The following PI15 variants were observed in gnomAD, a reference collection of about 807,000 sequenced individuals.
The protein encoded by PI15 is 25 kDa trypsin inhibitor.
Under a neutral mutation model 31.0 loss-of-function variants are expected in PI15, and 18 were observed. The ratio of observed to expected loss-of-function variants is 0.58; its 90% CI spans 0.40 to 0.86. PI15 has a LOEUF of 0.86. PI15 is among the 40% of genes least tolerant of loss of function. PI15 has a pLI of 0.00. For synonymous variants in PI15, 118 were observed against 119.1 expected (o/e 0.99, Z 0.06); for missense variants, 282 against 328.1 (o/e 0.86, Z 1.09).
chr8:74,829,786 A>G (rs532132664), intron 2 of PI15, among the ~76,000 whole-genome samples: 1 of 152,252 alleles, frequency 6.6e-6, no homozygotes, highest in South Asian at 2.1e-4. Context: ...GATAATCTCT[A>G]GTTGGCAGAT....
chr8:74,848,732 T>TATATATATATATAGAGAG (rs1191072583), intron 5 of PI15, among the ~76,000 whole-genome samples: 10 of 136,346 alleles, frequency 7.3e-5, no homozygotes, highest in African/African-American at 2.8e-4. Context: ...TATATATATA[T>TATATATATATATAGAGAG]AGAGAGAGAG....
intron 2 of PI15, among the ~76,000 whole-genome samples, 179 bp downstream of exon 2, chr8:74,825,701 A>T (rs1033363815): frequency 6.6e-6 from 1 of 152,056 alleles, no homozygotes; most frequent in African/African-American, 2.4e-5. Context: ...TCACAGAATC[A>T]GAGAGACAGA....
chr8:74,832,774 C>A (rs1810804973), intron 2 of PI15, among the ~76,000 whole-genome samples: 1 of 152,050 alleles, frequency 6.6e-6, no homozygotes, highest in Non-Finnish European at 1.5e-5. Context: ...TATCTGAAAT[C>A]AGGTACCAAG....
chr8:74,848,732 T>TAAATATATATATATATATATATAG (rs1191072583), intron 5 of PI15, among the ~76,000 whole-genome samples: 2 of 136,354 alleles, frequency 1.5e-5, no homozygotes, highest in African/African-American at 5.5e-5. Flanking sequence ...TATATATATA[T>TAAATATATATATATATATATATAG]AGAGAGAGAG....
At chr8:74,847,637 C>T (rs1472884310) in intron 5 of PI15, among the ~76,000 whole-genome samples, 2 of 152,068 alleles carry the variant, frequency 1.3e-5, no homozygotes, top group Non-Finnish European at 2.9e-5. Context: ...GGTGGGCAGT[C>T]TTAAAATCCC....
At chr8:74,842,000 T>C (rs1425025600) in intron 2 of PI15, among the ~76,000 whole-genome samples, 2 of 149,638 alleles carry the variant, frequency 1.3e-5, no homozygotes, top group African/African-American at 4.8e-5. Flanking sequence ...AGAGGGTCTC[T>C]TGAAGAGTTT....
chr8:74,836,106 G>A (rs1384665708), intron 2 of PI15, among the ~76,000 whole-genome samples: 1 of 152,102 alleles, frequency 6.6e-6, no homozygotes, highest in African/African-American at 2.4e-5. Flanking sequence ...CTAGATTTTT[G>A]GCCTGAGCAA....
chr8:74,853,125 AG>A lies in PI15; in HGVS notation c.*3874del, dbSNP rs1811130838. 5 of 152,592 alleles carry A rather than the reference AG, an allele frequency of 3.3e-5. No individual in the cohort carries two copies. Among genetic ancestry groups the A allele is most frequent in the Non-Finnish European group, 5.9e-5 (4 of 67,992 alleles). The allele number at this position is 152,592 out of a possible 1,614,324, so 9.5% of individuals were successfully genotyped here. A position where few individuals can be genotyped will look rare whatever the true frequency, so the allele number is the denominator to read the frequency against. On this transcript the variant is annotated 3_prime_UTR_variant, in exon 6 of 6. Coordinates refer to ENST00000260113, the MANE Select transcript of PI15 (RefSeq NM_015886.5). The stretch of plus-strand genomic sequence containing the variant: ...ATGGGAGATCAGTCAAAAACTTAGA[AG>A]GTTTAACACTTCACTGATTAATGGT...
chr8:74,835,474 A>G (rs1270613271), intron 2 of PI15, among the ~76,000 whole-genome samples: 2 of 152,194 alleles, frequency 1.3e-5, no homozygotes, highest in African/African-American at 2.4e-5. Flanking sequence ...CAGGATTCCA[A>G]ACCAAGTTGA....
At chr8:74,833,674 TATCTC>T (rs1203012279) in intron 2 of PI15, among the ~76,000 whole-genome samples, 2 of 152,176 alleles carry the variant, frequency 1.3e-5, no homozygotes, top group Non-Finnish European at 2.9e-5. Flanking sequence ...CTTCAGTCAC[TATCTC>T]ATCTAACTCT....
intron 5 of PI15, among the ~76,000 whole-genome samples, chr8:74,847,552 C>G (rs551546988): frequency 1.3e-4 from 20 of 152,110 alleles, no homozygotes; most frequent in Admixed American, 1.2e-3. Context: ...TTGAACCTTT[C>G]TGAGCAAGCC....
chr8:74,846,078 A>G (rs1811021199), intron 5 of PI15: 1 of 152,846 alleles, frequency 6.5e-6, no homozygotes, highest in South Asian at 2.1e-4. Context: ...TGATTACAAT[A>G]ACTCTTTGGA....
rs1811072489 is a variant in PI15, at chr8:74,849,323, A to T, written c.*70A>T. The T allele has an allele frequency of 8.4e-7, 1 of 1,196,532 alleles. No homozygotes were observed. Among genetic ancestry groups the T allele is most frequent in the Admixed American group, 2.4e-5 (1 of 41,074 alleles). 74.1% of individuals were successfully genotyped at this position (1,196,532 alleles called of 1,614,324 possible). A position where few individuals can be genotyped will look rare whatever the true frequency, so the allele number is the denominator to read the frequency against. ...GGCATGTATATATATATATGGAGAG[A>T]GAATTTTGCACATATTATACATATT... On this transcript the variant is annotated 3_prime_UTR_variant, in exon 6 of 6. Transcript: ENST00000260113.
intron 2 of PI15, among the ~76,000 whole-genome samples, chr8:74,840,616 C>T (rs1810931255): frequency 6.6e-6 from 1 of 152,148 alleles, no homozygotes; most frequent in East Asian, 1.9e-4. Context: ...CAGACTTTCC[C>T]CTTCTTGAGT....
Position 74,845,449 on chromosome 8 carries a change from G to T in PI15, c.593G>T (p.Gly198Val). 8 of 1,614,050 alleles carry T rather than the reference G, an allele frequency of 5.0e-6. No individual in the cohort carries two copies. Among genetic ancestry groups the T allele is most frequent in the African/African-American group, 1.3e-5 (1 of 75,040 alleles). Reference protein sequence around the residue: ...IHTCQNMNVWGSVWRRAVYLV... With the variant: ...IHTCQNMNVWVSVWRRAVYLV... ...ACTTGCCAAAACATGAATGTTTGGG[G>T]ATCTGTGTGGCGACGTGCAGTTTAC... Residue 198 changes from glycine to valine, a missense_variant, in exon 5 of 6, where the codon GGA (glycine) becomes GTA (valine). Physicochemically the swap from Gly to Val is moderately radical, Grantham distance 109 (BLOSUM62 -3). Coordinates refer to ENST00000260113, the MANE Select transcript of PI15 (RefSeq NM_015886.5).
intron 2 of PI15, among the ~76,000 whole-genome samples, chr8:74,833,993 T>C (rs1417578307): frequency 6.6e-6 from 1 of 152,178 alleles, no homozygotes. Context: ...GTGTGAACCC[T>C]ACTGTGAACT....
rs910657490 is a variant in PI15, at chr8:74,852,251, G to A, written c.*2998G>A. ...TGGTGTTAATTTTTTTATATGACCAGTAGAAAAATTTTAATATTCTCACAA... is the reference window on the plus strand; with the variant it reads ...TGGTGTTAATTTTTTTATATGACCAATAGAAAAATTTTAATATTCTCACAA... On this transcript the variant is annotated 3_prime_UTR_variant, in exon 6 of 6. Transcript: ENST00000260113. 3.9e-5 allele frequency: 6 copies of A among 151,988 alleles called. No individual in the cohort carries two copies. Among genetic ancestry groups the A allele is most frequent in the Non-Finnish European group, 7.4e-5 (5 of 67,928 alleles). The allele number at this position is 151,988 out of a possible 1,614,324, so 9.4% of individuals were successfully genotyped here.
At chr8:74,825,116 A>G in intron 1 of PI15, 94 bp from the exon 2 acceptor site, 1 of 754,668 alleles carries the variant, frequency 1.3e-6, no homozygotes, top group Non-Finnish European at 2.2e-6. Flanking sequence ...AGAAAGTCAA[A>G]TCAAGCAATG....
At chr8:74,848,732 T>TAGAGAGAG (rs1004356103) in intron 5 of PI15, among the ~76,000 whole-genome samples, 2 of 136,358 alleles carry the variant, frequency 1.5e-5, no homozygotes, top group Admixed American at 7.5e-5. Context: ...TATATATATA[T>TAGAGAGAG]AGAGAGAGAG....
Sources: allele counts gnomAD v4.1 joint callset (sites outside exome capture counted in the v4.1 genomes callset), GRCh38; gene constraint gnomAD v4.1.1; transcripts MANE v1.5; gene names NCBI Gene and HGNC (gene_info 2026-07-23, HGNC 2026-07-21).